Variants in TBRG1 observed in about 807,000 individuals in gnomAD.
TBRG1 encodes nuclear interactor of ARF and MDM2.
TBRG1 carries 31 observed loss-of-function variants against 44.0 expected under a neutral mutation model. The ratio of observed to expected loss-of-function variants is 0.70; its 90% CI spans 0.53 to 0.95. The LOEUF is 0.95. Among genes scored for constraint, TBRG1 ranks in the 40% least tolerant of loss-of-function variants. TBRG1 has a pLI of 0.00. For missense variants in TBRG1, 487 were observed against 496.1 expected (o/e 0.98, Z 0.18); for synonymous variants, 171 against 188.1 (o/e 0.91, Z 0.74).
In TBRG1 at chr11:124,626,525, G is replaced by A. The variant is rs899928050; in HGVS notation, c.507G>A (p.Leu169=). The change falls in exon 4 of 9, where the codon CTG becomes CTA. Residue 169 remains leucine (L), a synonymous_variant. Transcript: ENST00000441174. ...KKKMAGGARK[L]VQPIALDPSG... ...AAATGGCGGGAGGTGCTCGCAAGCT[G>A]GTTCAGCCCATTGCCCTGGATCCCT... 22 of 1,550,840 alleles carry A rather than the reference G, an allele frequency of 1.4e-5. No individual in the cohort carries two copies. The highest frequency in any genetic ancestry group is 7.9e-5 in the Admixed American group (4 of 50,834).
chr11:124,626,625 GAT>G lies in TBRG1; in HGVS notation c.591+22_591+23del, dbSNP rs1565399548. The G allele has an allele frequency of 1.3e-6, 2 of 1,551,364 alleles. No homozygotes were observed. On this transcript the variant is annotated intron_variant, in intron 4 of 8. Coordinates refer to ENST00000441174, the MANE Select transcript of TBRG1 (RefSeq NM_032811.3). ...CCTGGGGGAGGTGAGTGAGACCAGC[GAT>G]ATATAGAGAGGAGAATCAGGGAAAT...
In TBRG1 at chr11:124,632,775, G is replaced by C. The variant is rs1942643412; in HGVS notation, c.*537G>C. ...AAGATCACTAAGCCGGTTCATGAGA[G>C]GTCTGCTCTCATGACCTAATCACCT... On this transcript the variant is annotated 3_prime_UTR_variant, in exon 9 of 9. Transcript: ENST00000441174. 1 of 152,928 alleles carries C rather than the reference G, an allele frequency of 6.5e-6. No homozygotes were observed. The allele number at this position is 152,928 out of a possible 1,614,324, so 9.5% of individuals were successfully genotyped here. A position where few individuals can be genotyped will look rare whatever the true frequency, so the allele number is the denominator to read the frequency against.
At position 124,626,595 on chromosome 11, in the gene TBRG1, T is replaced by C; in HGVS notation, c.577T>C (p.Tyr193His). 1.9e-6 allele frequency: 3 copies of C among 1,551,602 alleles called. No individual in the cohort carries two copies. Among genetic ancestry groups the C allele is most frequent in the South Asian group, 1.2e-5 (1 of 84,050 alleles). ...CATCGGACTAGGGGGTCTAACAGTA[T>C]ATAGCCTGGGGGAGGTGAGTGAGAC... ...FPIGLGGLTV[Y>H]SLGEIITDRP... The change falls in exon 4 of 9, where the codon TAT becomes CAT. Residue 193 changes from tyrosine to histidine, a missense_variant. Physicochemically the swap from Tyr to His is moderately conservative, Grantham distance 83 (BLOSUM62 2). Transcript: ENST00000441174.
chr11:124,631,509 T>C (rs915831269), intron 8 of TBRG1, 92 bp downstream of exon 8: 18 of 1,309,916 alleles, frequency 1.4e-5, no homozygotes, highest in Non-Finnish European at 2.0e-5. Context: ...TAAATATCTA[T>C]GCATTGAGTG....
In TBRG1 at chr11:124,626,623, G is replaced by A. The variant is rs201736579; in HGVS notation, c.591+14G>A. On this transcript the variant is annotated intron_variant, in intron 4 of 8. Transcript: ENST00000441174. The stretch of plus-strand genomic sequence containing the variant: ...AGCCTGGGGGAGGTGAGTGAGACCA[G>A]CGATATATAGAGAGGAGAATCAGGG... 3.0e-4 allele frequency: 469 copies of A among 1,551,544 alleles called. No individual in the cohort carries two copies. Among genetic ancestry groups the A allele is most frequent in the Middle Eastern group, 1.7e-3 (10 of 5,984 alleles).
chr11:124,625,890 C>T lies in TBRG1; in HGVS notation c.441C>T (p.Asn147=), dbSNP rs1178950380. ...AGAAAAAAGAAAAAGGCAAAGAGAACAACAAACTGGAAGGTACTTTGGGGA... is the reference window on the plus strand; with the variant it reads ...AGAAAAAAGAAAAAGGCAAAGAGAATAACAAACTGGAAGGTACTTTGGGGA... ...KKEKKEKGKE[N]NKLEVLKKTC... The change falls in exon 3 of 9, where the codon AAC becomes AAT. Residue 147 remains asparagine (N), a synonymous_variant. Coordinates refer to ENST00000441174, the MANE Select transcript of TBRG1 (RefSeq NM_032811.3). 13 of 1,578,156 alleles carry T rather than the reference C, an allele frequency of 8.2e-6. 1 individual carries two copies. The highest frequency in any genetic ancestry group is 3.5e-5 in the South Asian group (3 of 84,974).
In TBRG1 at chr11:124,630,782, G is replaced by T; in HGVS notation, c.874G>T (p.Asp292Tyr). ...GCCTAACCTGCTTCCAGCTGGAGCT[G>T]ACTTTTTTGGATTTTCTCATCCAGC... Reference protein sequence around the residue: ...LMPNLLPAGADFFGFSHPAIH... With the variant: ...LMPNLLPAGAYFFGFSHPAIH... The change falls in exon 7 of 9, where the codon GAC (aspartate) becomes TAC (tyrosine). Residue 292 changes from aspartate to tyrosine, a missense_variant. Coordinates refer to ENST00000441174, the MANE Select transcript of TBRG1 (RefSeq NM_032811.3). 6.2e-7 allele frequency: 1 copy of T among 1,607,892 alleles called. No homozygotes were observed. The highest frequency in any genetic ancestry group is 8.5e-7 in the Non-Finnish European group (1 of 1,177,086).
chr11:124,628,065 TTATATATATATATA>T (rs71042445), intron 5 of TBRG1, among the ~76,000 whole-genome samples: 1,612 of 69,594 alleles, frequency 0.023, 33 homozygotes, highest in Non-Finnish European at 0.034. Context: ...AGTAGCTGTT[TTATATATATATATA>T]TATATATATA....
chr11:124,625,556 T>C, intron 2 of TBRG1, 115 bp from the exon 3 acceptor site: 2 of 928,798 alleles, frequency 2.2e-6, no homozygotes, highest in South Asian at 1.8e-5. Flanking sequence ...AACCTTTCTT[T>C]TATGAGTATA....
chr11:124,626,922 G>C lies in TBRG1; in HGVS notation c.610G>C (p.Gly204Arg). The C allele has an allele frequency of 5.6e-6, 9 of 1,606,460 alleles. No homozygotes were observed. The highest frequency in any genetic ancestry group is 7.7e-6 in the Non-Finnish European group (9 of 1,176,148). Reference sequence around the variant, plus strand: ...TTTATAGATCATCACCGACCGACCTGGCTTTCATGATGAGAGTGCCATCTA... The same window carrying C: ...TTTATAGATCATCACCGACCGACCTCGCTTTCATGATGAGAGTGCCATCTA... ...SLGEIITDRPGFHDESAIYPV... is the reference protein window; with the variant it reads ...SLGEIITDRPRFHDESAIYPV... The change falls in exon 5 of 9, where the codon GGC becomes CGC. Residue 204 changes from glycine (G) to arginine (R), a missense_variant. By Grantham distance (125) the Gly-to-Arg change is moderately radical. Coordinates refer to ENST00000441174, the MANE Select transcript of TBRG1 (RefSeq NM_032811.3).
rs1239332121 is a variant in TBRG1 at position 124,623,088 on chromosome 11, G to A, written c.5G>A (p.Ser2Asn). 4.4e-5 allele frequency: 68 copies of A among 1,548,538 alleles called. No individual in the cohort carries two copies. In the East Asian group the frequency reaches 1.6e-3, roughly 37 times the overall value. The part of the protein sequence containing the change: M[S>N]LLDGLASSPR... ...CCCCCGTAGCGGGGCTGGACCATGA[G>A]CCTGCTGGACGGCCTCGCTTCCTCG... The change falls in exon 1 of 9, where the codon AGC becomes AAC. Residue 2 changes from serine to asparagine, a missense_variant. Ser to Asn is a conservative substitution (Grantham distance 46). Transcript: ENST00000441174.
At chr11:124,625,518 G>C (rs974616888) in intron 2 of TBRG1, among the ~76,000 whole-genome samples, 153 bp from the exon 3 acceptor site, 1 of 152,142 alleles carries the variant, frequency 6.6e-6, no homozygotes, top group Admixed American at 6.5e-5. Context: ...TATCCTCCAG[G>C]GCTTTATGAT....
chr11:124,623,313 A>G (rs1942383075), intron 1 of TBRG1, 80 bp downstream of exon 1: 1 of 1,455,526 alleles, frequency 6.9e-7, no homozygotes, highest in Non-Finnish European at 9.4e-7. Flanking sequence ...CCCCCTTCCC[A>G]GTGTGACAGT....
At chr11:124,628,946 G>T (rs993528360) in intron 5 of TBRG1, among the ~76,000 whole-genome samples, 1 of 152,126 alleles carries the variant, frequency 6.6e-6, no homozygotes, top group African/African-American at 2.4e-5. Flanking sequence ...CTATCAATGA[G>T]AAAATGGTTA....
chr11:124,629,404 AG>A (rs1942562476), intron 5 of TBRG1, among the ~76,000 whole-genome samples: 1 of 152,214 alleles, frequency 6.6e-6, no homozygotes, highest in South Asian at 2.1e-4. Flanking sequence ...TTATTAGCTG[AG>A]AAATAAATAT....
At chr11:124,630,351 T>C (rs1942580959) in intron 5 of TBRG1, 37 bp from the exon 6 acceptor site, 1 of 1,353,898 alleles carries the variant, frequency 7.4e-7, no homozygotes, top group South Asian at 1.2e-5. Context: ...TCCTTCCTTC[T>C]TGAGGATTGA....
intron 1 of TBRG1, chr11:124,623,482 TA>T: frequency 1.7e-6 from 1 of 579,202 alleles, no homozygotes; most frequent in Non-Finnish European, 3.2e-6. Context: ...GCTTGGTGCG[TA>T]AAAGACATAC....
rs1454445203 is a variant in TBRG1 at position 124,634,544 on chromosome 11, A to C, written c.*2306A>C. The C allele has an allele frequency of 6.6e-6, 1 of 152,118 alleles. No individual in the cohort carries two copies. Among genetic ancestry groups the C allele is most frequent in the African/African-American group, 2.4e-5 (1 of 41,416 alleles). 9.4% of individuals were successfully genotyped at this position (152,118 alleles called of 1,614,324 possible). ...GTAGATATCTAAATTTTAAATATATATTTATCCTCTTCCATGTTAAGAACC... is the reference window on the plus strand; with the variant it reads ...GTAGATATCTAAATTTTAAATATATCTTTATCCTCTTCCATGTTAAGAACC... On this transcript the variant is annotated 3_prime_UTR_variant, in exon 9 of 9. Coordinates refer to ENST00000441174, the MANE Select transcript of TBRG1 (RefSeq NM_032811.3).
intron 5 of TBRG1, among the ~76,000 whole-genome samples, chr11:124,627,705 G>A (rs1942504043): frequency 1.3e-5 from 2 of 152,074 alleles, no homozygotes; most frequent in Admixed American, 1.3e-4. Flanking sequence ...GAGACAGCTT[G>A]ACTTCTTATA....
Sources: gnomAD v4.1 joint callset for allele counts (sites outside exome capture counted in the v4.1 genomes callset) on GRCh38, gnomAD v4.1.1 for gene constraint, MANE v1.5 for transcripts, NCBI Gene and HGNC (gene_info 2026-07-23, HGNC 2026-07-21) for gene names.